Variants in ACO2 observed in about 807,000 individuals in gnomAD.
ACO2 encodes aconitase 2, also known as aconitate hydratase, mitochondrial.
ACO2 carries 31 observed loss-of-function variants against 84.5 expected under a neutral mutation model. The observed-to-expected ratio is 0.37, with a 90% CI of 0.28 to 0.50. ACO2 has a LOEUF of 0.50. Among genes scored for constraint, ACO2 ranks in the 20% least tolerant of loss-of-function variants. The pLI, the probability that ACO2 is intolerant of heterozygous loss-of-function variation, is 0.97. For synonymous variants in ACO2, 414 were observed against 412.7 expected (o/e 1.00, Z -0.04); for missense variants, 685 against 1,029.3 (o/e 0.67, Z 4.58).
intron 3 of ACO2, 61 bp from the exon 4 acceptor site, chr22:41,511,815 G>T: frequency 7.4e-7 from 1 of 1,345,560 alleles, no homozygotes; most frequent in South Asian, 1.4e-5. Context: ...GGAGGGCTTG[G>T]TGAGGGTCAC....
At chr22:41,511,614 C>T (rs1284309707) in intron 3 of ACO2, among the ~76,000 whole-genome samples, 1 of 152,268 alleles carries the variant, frequency 6.6e-6, no homozygotes, top group Non-Finnish European at 1.5e-5. Context: ...GGACTTGTTC[C>T]AGACCCACCA....
chr22:41,506,743 C>T (rs1224477716), intron 2 of ACO2, among the ~76,000 whole-genome samples: 1 of 152,132 alleles, frequency 6.6e-6, no homozygotes. Flanking sequence ...TTCTTGGCCT[C>T]AAACAATAGG....
intron 1 of ACO2, among the ~76,000 whole-genome samples, chr22:41,479,936 C>T (rs974286046): frequency 6.6e-6 from 1 of 152,212 alleles, no homozygotes; most frequent in Non-Finnish European, 1.5e-5. Flanking sequence ...CCTTTGGTAC[C>T]CATTTAGAGG....
At chr22:41,489,307 G>T (rs1045368659) in intron 1 of ACO2, among the ~76,000 whole-genome samples, 1 of 152,192 alleles carries the variant, frequency 6.6e-6, no homozygotes, top group Non-Finnish European at 1.5e-5. Context: ...GCCTCCCAAA[G>T]TGCTGGGATT....
chr22:41,499,513 C>G (rs1455809642), intron 1 of ACO2, among the ~76,000 whole-genome samples: 1 of 152,202 alleles, frequency 6.6e-6, no homozygotes, highest in African/African-American at 2.4e-5. Flanking sequence ...CGATTTTTGT[C>G]TATAAATCCC....
chr22:41,485,734 C>T (rs982536170), intron 1 of ACO2, among the ~76,000 whole-genome samples: 2 of 151,410 alleles, frequency 1.3e-5, no homozygotes, highest in African/African-American at 4.8e-5. Context: ...TGAGCCACGG[C>T]GCTCGGCCCG....
intron 1 of ACO2, among the ~76,000 whole-genome samples, chr22:41,492,782 TAAAA>T (rs1184804242): frequency 1.3e-5 from 2 of 150,306 alleles, no homozygotes; most frequent in Non-Finnish European, 3.0e-5. Context: ...TCAAAAAAAA[TAAAA>T]AAAGAAAATT....
chr22:41,523,143 T>G lies in ACO2; in HGVS notation c.1297-62T>G. On this transcript the variant is annotated intron_variant, in intron 10 of 17. Coordinates refer to ENST00000216254, the MANE Select transcript of ACO2 (RefSeq NM_001098.3). ...AGCACTTCGTCCTGCAGCCACCACA[T>G]CACCCCTTCCCATCAGACTCTCACC... 3 of 1,550,240 alleles carry G rather than the reference T, an allele frequency of 1.9e-6. No homozygotes were observed. The South Asian group carries it at 3.5e-5, about 18-fold the overall frequency.
At chr22:41,526,013 G>A in intron 14 of ACO2, 1 of 431,434 alleles carries the variant, frequency 2.3e-6, no homozygotes, top group East Asian at 3.7e-5. Flanking sequence ...CCAACTTTGG[G>A]CGGCCTCTGC....
chr22:41,475,464 T>TTGAGTCTTCCTTGGC (rs1294785179), intron 1 of ACO2, among the ~76,000 whole-genome samples: 3 of 152,088 alleles, frequency 2.0e-5, no homozygotes, highest in African/African-American at 4.8e-5. Context: ...GAAGAGAGTG[T>TTGAGTCTTCCTTGGC]TGAGTCTTCC....
At chr22:41,512,061 C>G (rs2066437401) in intron 4 of ACO2, 93 bp downstream of exon 4, 1 of 860,116 alleles carries the variant, frequency 1.2e-6, no homozygotes, top group Admixed American at 3.4e-5. Context: ...CCCAGGGGGG[C>G]TGAGGGGAAC....
chr22:41,477,030 T>A (rs1435536860), intron 1 of ACO2, among the ~76,000 whole-genome samples: 1 of 151,314 alleles, frequency 6.6e-6, no homozygotes, highest in Non-Finnish European at 1.5e-5. Flanking sequence ...GTACCTGTAA[T>A]CCCATTTACT....
chr22:41,481,387 C>T (rs562538131), intron 1 of ACO2, among the ~76,000 whole-genome samples: 10 of 152,272 alleles, frequency 6.6e-5, no homozygotes, highest in South Asian at 4.1e-4. Flanking sequence ...TTGGGTGGCT[C>T]GGCACCCTCA....
rs2066658074 is a variant in ACO2 at position 41,528,690 on chromosome 22, C to T, written c.*77C>T. On this transcript the variant is annotated 3_prime_UTR_variant, in exon 18 of 18. Coordinates refer to ENST00000216254, the MANE Select transcript of ACO2 (RefSeq NM_001098.3). ...CCATCAGTGGATCCGATCCGTCCAG[C>T]CATGGCTTCCTATTCCAAGATGGTG... is the stretch of plus-strand genomic sequence containing the variant. 7 of 1,547,256 alleles carry T rather than the reference C, an allele frequency of 4.5e-6. No individual in the cohort carries two copies. In the South Asian group the frequency reaches 8.4e-5, roughly 19 times the overall value.
Position 41,525,587 on chromosome 22 carries a change from C to T in ACO2, c.1761+239C>T, listed in dbSNP as rs576736852. 5.0e-4 allele frequency among the ~76,000 whole-genome samples: 76 copies of T among 152,364 alleles called. 1 individual carries two copies. The highest frequency in any genetic ancestry group is 6.8e-3 in the Middle Eastern group (2 of 294). On this transcript the variant is annotated intron_variant, in intron 14 of 17. Coordinates refer to ENST00000216254, the MANE Select transcript of ACO2 (RefSeq NM_001098.3). ...CCAGCCTCCGTCTGGGGCCCTCAGC[C>T]ATCCAGCAGCAGCTGATCAGAGCCA...
chr22:41,520,843 GA>G (rs148408618), intron 9 of ACO2, among the ~76,000 whole-genome samples: 195 of 127,900 alleles, frequency 1.5e-3, no homozygotes, highest in Admixed American at 2.0e-3. Flanking sequence ...CTCCGTCTCA[GA>G]AAAAAAAAAA....
Position 41,510,322 on chromosome 22 carries a change from G to A in ACO2, c.433-1554G>A, listed in dbSNP as rs985470976. Among the ~76,000 whole-genome samples, 4 of 152,226 alleles carry A rather than the reference G, an allele frequency of 2.6e-5. No homozygotes were observed. The East Asian group carries it at 7.7e-4, about 29-fold the overall frequency. On this transcript the variant is annotated intron_variant, in intron 3 of 17. Transcript: ENST00000216254. ...TTAACACAGACGTGTAGTCACATGC[G>A]CCCAGACACGACCACAGCCTCCTGT...
chr22:41,488,202 T>G (rs1376621678), intron 1 of ACO2, among the ~76,000 whole-genome samples: 1 of 152,166 alleles, frequency 6.6e-6, no homozygotes, highest in African/African-American at 2.4e-5. Flanking sequence ...CATGGTGGTG[T>G]TCCCAGTGTC....
chr22:41,469,456 C>A (rs946549297), intron 1 of ACO2: 1 of 452,036 alleles, frequency 2.2e-6, no homozygotes, highest in African/African-American at 2.0e-5. Flanking sequence ...CCTCTTTCTT[C>A]TTTTTGAGGA....
Sources: gnomAD v4.1 joint callset for allele counts (sites outside exome capture counted in the v4.1 genomes callset) on GRCh38, gnomAD v4.1.1 for gene constraint, MANE v1.5 for transcripts, NCBI Gene and HGNC (gene_info 2026-07-23, HGNC 2026-07-21) for gene names.